PTH2R: variants seen among roughly 807,000 people sequenced by gnomAD.
PTH2R encodes the protein PTH2 receptor.
In PTH2R, 59 loss-of-function variants were observed where a neutral mutation model predicts 60.3. That is an observed-to-expected ratio of 0.98 (90% CI 0.79 to 1.22). The LOEUF is 1.22. Among genes scored for constraint, PTH2R ranks in the 50% most tolerant of loss-of-function variants. PTH2R has a pLI of 0.00. For synonymous variants in PTH2R, 256 were observed against 243.8 expected (o/e 1.05, Z -0.47); for missense variants, 749 against 682.6 (o/e 1.10, Z -1.08).
rs1000977148 is a variant in PTH2R, at chr2:208,397,575, TG to T, written c.-258-30619del. 7.3e-5 allele frequency among the ~76,000 whole-genome samples: 11 copies of T among 151,424 alleles called. No individual in the cohort carries two copies. In the East Asian group the frequency reaches 2.0e-3, roughly 27 times the overall value. Reference sequence around the variant, plus strand: ...GGCTCCCTCTGTACAGAGATAGAGGTGGGGGGGCTCTAAGCTGAAAGAGGGA... The same window carrying T: ...GGCTCCCTCTGTACAGAGATAGAGGTGGGGGGCTCTAAGCTGAAAGAGGGA... On this transcript the variant is annotated intron_variant, in intron 1 of 12. Transcript: ENST00000617735.
chr2:208,453,548 T>C (rs1279340963), intron 8 of PTH2R, among the ~76,000 whole-genome samples: 1 of 152,232 alleles, frequency 6.6e-6, no homozygotes, highest in Non-Finnish European at 1.5e-5. Flanking sequence ...CAAATGGGCA[T>C]AAATGAAATT....
chr2:208,417,912 A>G (rs1701673980), intron 1 of PTH2R, among the ~76,000 whole-genome samples: 1 of 152,146 alleles, frequency 6.6e-6, no homozygotes, highest in Non-Finnish European at 1.5e-5. Context: ...AATTTTAACT[A>G]TGTTAAAATA....
chr2:208,409,824 G>A (rs572827200), intron 1 of PTH2R, among the ~76,000 whole-genome samples: 11 of 152,172 alleles, frequency 7.2e-5, no homozygotes, highest in African/African-American at 2.4e-4. Context: ...ATGGTAATGA[G>A]GACCACTATA....
chr2:208,441,734 C>T (rs918465518), intron 4 of PTH2R, among the ~76,000 whole-genome samples: 32 of 152,216 alleles, frequency 2.1e-4, no homozygotes, highest in Admixed American at 1.6e-3. Context: ...TAGTTCTGTA[C>T]TTGATTACAG....
chr2:208,386,789 A>G (rs564778201), intron 1 of PTH2R, among the ~76,000 whole-genome samples: 1 of 152,296 alleles, frequency 6.6e-6, no homozygotes, highest in Admixed American at 6.5e-5. Context: ...GCCTAAGGAC[A>G]CTAATCCCAT....
intron 9 of PTH2R, among the ~76,000 whole-genome samples, chr2:208,462,992 G>T (rs542323505): frequency 6.6e-6 from 1 of 152,328 alleles, no homozygotes; most frequent in Admixed American, 6.5e-5. Context: ...AGATCTCAGG[G>T]CTTCGTTGAA....
intron 10 of PTH2R, among the ~76,000 whole-genome samples, chr2:208,481,823 T>C (rs988473439): frequency 2.6e-5 from 4 of 152,246 alleles, no homozygotes; most frequent in Non-Finnish European, 4.4e-5. Flanking sequence ...ATTTGCTGTA[T>C]TGTTTTTAAT....
chr2:208,392,087 T>A (rs1701118380), intron 1 of PTH2R, among the ~76,000 whole-genome samples: 1 of 152,182 alleles, frequency 6.6e-6, no homozygotes, highest in Non-Finnish European at 1.5e-5. Flanking sequence ...AAACAGGTAT[T>A]GAGAGTCGGG....
Position 208,407,040 on chromosome 2 carries a change from G to T in PTH2R, c.-4G>T. 1 of 1,390,136 alleles carries T rather than the reference G, an allele frequency of 7.2e-7. No homozygotes were observed. 86.1% of individuals were successfully genotyped at this position (1,390,136 alleles called of 1,614,324 possible). On this transcript the variant is annotated 5_prime_UTR_variant, in exon 1 of 13. Coordinates refer to ENST00000272847, the MANE Select transcript of PTH2R (RefSeq NM_005048.4). ...CCCTGCTTCTTCCTACAGCCGTTCC[G>T]GGCATGGCCGGGCTGGGGGCGTCGC...
rs755454461 is a variant in PTH2R, at chr2:208,443,553, A to AT, written c.699+20dup. The AT allele has an allele frequency of 6.4e-7, 1 of 1,569,538 alleles. No homozygotes were observed. Among genetic ancestry groups the AT allele is most frequent in the African/African-American group, 1.4e-5 (1 of 73,286 alleles). ...ATCACAATATGTAAGTGTTTTCACCATTTTCTCTCATTACTAATTTGTATA... is the reference window on the plus strand; with the variant it reads ...ATCACAATATGTAAGTGTTTTCACCATTTTTCTCTCATTACTAATTTGTATA... On this transcript the variant is annotated intron_variant, in intron 6 of 12. Transcript: ENST00000272847.
intron 4 of PTH2R, among the ~76,000 whole-genome samples, chr2:208,441,760 T>C (rs541311230): frequency 6.6e-6 from 1 of 152,314 alleles, no homozygotes; most frequent in African/African-American, 2.4e-5. Flanking sequence ...GTTACAAAAA[T>C]GTACATATGA....
In PTH2R at chr2:208,389,227, T is replaced by TACACACACACACAC. The variant is rs71041306; in HGVS notation, c.-259+29018_-259+29031dup. On this transcript the variant is annotated intron_variant, in intron 1 of 12. Transcript: ENST00000617735. ...TGATGATACATTAAAAGGAAATGCA[T>TACACACACACACAC]ACACACACACACACACACACACACA... Among the ~76,000 whole-genome samples, 136 of 142,646 alleles carry TACACACACACACAC rather than the reference T, an allele frequency of 9.5e-4. 1 individual carries two copies. The highest frequency in any genetic ancestry group is 3.3e-3 in the African/African-American group (128 of 38,720). The allele number at this position is 142,646 out of a possible 152,430, so 93.6% of individuals were successfully genotyped here. A position where few individuals can be genotyped will look rare whatever the true frequency, so the allele number is the denominator to read the frequency against.
At chr2:208,408,190 A>C (rs1701457432) in intron 1 of PTH2R, among the ~76,000 whole-genome samples, 1 of 152,208 alleles carries the variant, frequency 6.6e-6, no homozygotes, top group East Asian at 1.9e-4. Context: ...TTAATAAATA[A>C]ATTTTGTTAA....
intron 1 of PTH2R, among the ~76,000 whole-genome samples, chr2:208,365,610 C>G (rs983547510): frequency 6.6e-6 from 1 of 151,880 alleles, no homozygotes; most frequent in African/African-American, 2.4e-5. Context: ...GTTCATCAGA[C>G]ATATTGGGTA....
intron 8 of PTH2R, among the ~76,000 whole-genome samples, chr2:208,454,021 G>C (rs1702460549): frequency 6.6e-6 from 1 of 152,100 alleles, no homozygotes; most frequent in Non-Finnish European, 1.5e-5. Flanking sequence ...CTTTACTTCT[G>C]TCTGACCCAA....
chr2:208,363,214 G>A (rs1046669075), intron 1 of PTH2R, among the ~76,000 whole-genome samples: 1 of 151,790 alleles, frequency 6.6e-6, no homozygotes, highest in Non-Finnish European at 1.5e-5. Flanking sequence ...AGTGTTTATT[G>A]TTCCCTTCTT....
At chr2:208,410,494 G>A (rs921727654) in intron 1 of PTH2R, among the ~76,000 whole-genome samples, 1 of 152,070 alleles carries the variant, frequency 6.6e-6, no homozygotes, top group African/African-American at 2.4e-5. Context: ...TCTATCCCAG[G>A]GAATTTCTCA....
Position 208,443,449 on chromosome 2 carries a change from A to T in PTH2R, c.611A>T (p.His204Leu). 1 of 1,613,934 alleles carries T rather than the reference A, an allele frequency of 6.2e-7. No homozygotes were observed. Reference protein sequence around the residue: ...IFVKDRVVHAHIGVKELESLI... With the variant: ...IFVKDRVVHALIGVKELESLI... Reference sequence around the variant, plus strand: ...GTCAAAGACAGAGTAGTCCATGCTCACATAGGAGTAAAGGAGCTGGAGTCC... The same window carrying T: ...GTCAAAGACAGAGTAGTCCATGCTCTCATAGGAGTAAAGGAGCTGGAGTCC... Residue 204 changes from histidine (H) to leucine (L), a missense_variant, in exon 6 of 13, where the codon CAC becomes CTC. By Grantham distance (99) the His-to-Leu change is moderately conservative. Coordinates refer to ENST00000272847, the MANE Select transcript of PTH2R (RefSeq NM_005048.4).
chr2:208,423,217 A>T (rs926246643), intron 1 of PTH2R, among the ~76,000 whole-genome samples: 7 of 151,046 alleles, frequency 4.6e-5, no homozygotes, highest in African/African-American at 1.7e-4. Flanking sequence ...TTTCTAATGG[A>T]TGTATTTAGT....
Sources: gnomAD v4.1 joint callset for allele counts (sites outside exome capture counted in the v4.1 genomes callset) on GRCh38, gnomAD v4.1.1 for gene constraint, MANE v1.5 for transcripts, NCBI Gene and HGNC (gene_info 2026-07-23, HGNC 2026-07-21) for gene names.